Variants in NTM observed in about 807,000 individuals in gnomAD.
The protein encoded by NTM is IgLON family member 2.
Under a neutral mutation model 42.1 loss-of-function variants are expected in NTM, and 13 were observed. That is an observed-to-expected ratio of 0.31 (90% confidence interval 0.20 to 0.49). The LOEUF (loss-of-function observed/expected upper bound fraction) is 0.49. Ranked by LOEUF, NTM falls within the 20% of genes least tolerant of loss-of-function variation. The pLI is 0.99. For synonymous variants in NTM, 187 were observed against 179.2 expected, an observed-to-expected ratio of 1.04 and a Z score of -0.35; for missense variants, 373 against 452.8, an observed-to-expected ratio of 0.82 and a Z score of 1.60.
At chr11:131,892,869 T>C (rs1001088389) in intron 1 of NTM, among the ~76,000 whole-genome samples, 4 of 152,244 alleles carry the variant, frequency 2.6e-5, no homozygotes, top group African/African-American at 7.2e-5. Context: ...CCTCAGCATT[T>C]CAGCTTCCAG....
intron 1 of NTM, among the ~76,000 whole-genome samples, chr11:131,874,030 A>AATATAATATAAT (rs1491528420): frequency 1.3e-5 from 1 of 76,632 alleles, no homozygotes; most frequent in African/African-American, 3.7e-5. Context: ...AATATAATAT[A>AATATAATATAAT]ATATATATAT....
intron 1 of NTM, among the ~76,000 whole-genome samples, chr11:131,507,690 C>T (rs1259401982): frequency 5.4e-5 from 8 of 148,076 alleles, no homozygotes; most frequent in African/African-American, 7.5e-5. Flanking sequence ...TACCCATGAG[C>T]ATGGAATGTT....
chr11:131,747,652 T>A (rs2081983783), intron 1 of NTM, among the ~76,000 whole-genome samples: 1 of 152,196 alleles, frequency 6.6e-6, no homozygotes, highest in South Asian at 2.1e-4. Context: ...TAGGATGATC[T>A]CAAGCTTTTC....
intron 4 of NTM, among the ~76,000 whole-genome samples, chr11:132,245,492 C>T (rs954561890): frequency 4.6e-5 from 7 of 152,076 alleles, no homozygotes; most frequent in African/African-American, 1.7e-4. Context: ...TTAGAAAGAG[C>T]AAGCGGAGCA....
In NTM at chr11:131,372,113, T is replaced by G. The variant is rs2135461862; in HGVS notation, c.82+1225T>G. On this transcript the variant is annotated intron_variant, in intron 1 of 8. Coordinates refer to ENST00000683400, the MANE Select transcript of NTM (RefSeq NM_001352005.2). ...GGATTTAGGGATTGCTGCTGTCCTC[T>G]TGACATAGGTTGCAGTGGCTGCAGT... Among the ~76,000 whole-genome samples the G allele has an allele frequency of 2.0e-5, 3 of 152,286 alleles. No homozygotes were observed. In the East Asian group the frequency reaches 5.8e-4, roughly 30 times the overall value.
At chr11:131,372,888 A>G (rs1286596655) in intron 1 of NTM, among the ~76,000 whole-genome samples, 1 of 152,076 alleles carries the variant, frequency 6.6e-6, no homozygotes, top group African/African-American at 2.4e-5. Context: ...GGTGGTGCCA[A>G]TTTCTCTAAG....
intron 1 of NTM, among the ~76,000 whole-genome samples, chr11:131,801,695 A>ATGCAGTATTG (rs1464958775): frequency 2.0e-5 from 3 of 151,986 alleles, no homozygotes; most frequent in Non-Finnish European, 4.4e-5. Flanking sequence ...ACCATTCCTG[A>ATGCAGTATTG]TGCAGTATTG....
chr11:132,130,844 C>A (rs1466146929), intron 2 of NTM, among the ~76,000 whole-genome samples: 1 of 152,176 alleles, frequency 6.6e-6, no homozygotes, highest in Non-Finnish European at 1.5e-5. Context: ...ACGGCTGAGG[C>A]CGCATAGACA....
intron 1 of NTM, among the ~76,000 whole-genome samples, chr11:131,732,030 G>T (rs960751309): frequency 2.0e-5 from 3 of 152,138 alleles, no homozygotes; most frequent in African/African-American, 4.8e-5. Context: ...TTTTAACTGG[G>T]TGATTGATCT....
At chr11:131,614,327 T>C (rs997291808) in intron 1 of NTM, among the ~76,000 whole-genome samples, 2 of 152,076 alleles carry the variant, frequency 1.3e-5, no homozygotes, top group African/African-American at 4.8e-5. Context: ...CCGTGCAGAG[T>C]TCGGAAGGAA....
At chr11:131,555,607 AT>A (rs1221522271) in intron 1 of NTM, among the ~76,000 whole-genome samples, 1 of 152,154 alleles carries the variant, frequency 6.6e-6, no homozygotes, top group African/African-American at 2.4e-5. Flanking sequence ...GTCTGGGAGC[AT>A]TTTGTTGGCT....
intron 3 of NTM, among the ~76,000 whole-genome samples, chr11:132,207,227 C>T (rs550384343): frequency 1.7e-4 from 26 of 152,248 alleles, no homozygotes; most frequent in South Asian, 6.2e-4. Context: ...GTATTTACAG[C>T]CACTCCCCAT....
At chr11:132,023,744 GGTGGTGGTT>G (rs1230725392) in intron 2 of NTM, among the ~76,000 whole-genome samples, 22 of 151,448 alleles carry the variant, frequency 1.5e-4, no homozygotes, top group South Asian at 2.1e-4. Context: ...TTTTGTTGTT[GGTGGTGGTT>G]TTGTTGTTGG....
intron 4 of NTM, among the ~76,000 whole-genome samples, chr11:132,265,502 G>T (rs1233969790): frequency 2.6e-5 from 4 of 152,094 alleles, no homozygotes; most frequent in Non-Finnish European, 5.9e-5. Context: ...ACCTCAAACT[G>T]GTAGCAATGT....
intron 4 of NTM, among the ~76,000 whole-genome samples, chr11:132,304,459 G>C (rs1477326464): frequency 2.0e-5 from 3 of 151,290 alleles, no homozygotes; most frequent in African/African-American, 7.3e-5. Flanking sequence ...TCACACTAGT[G>C]ATAAAGCACT....
chr11:132,215,313 A>AT (rs1336421103), intron 4 of NTM, among the ~76,000 whole-genome samples: 2 of 152,142 alleles, frequency 1.3e-5, no homozygotes, highest in African/African-American at 4.8e-5. Flanking sequence ...ACTTCATTGC[A>AT]TTTTTTCTCT....
chr11:132,038,927 A>G (rs1354807921), intron 2 of NTM, among the ~76,000 whole-genome samples: 1 of 151,850 alleles, frequency 6.6e-6, no homozygotes, highest in Non-Finnish European at 1.5e-5. Flanking sequence ...CTGCTCTTCC[A>G]TTTCCCAACA....
intron 4 of NTM, among the ~76,000 whole-genome samples, chr11:132,212,532 A>G (rs1172033226): frequency 2.6e-5 from 4 of 152,328 alleles, no homozygotes; most frequent in East Asian, 1.9e-4. Flanking sequence ...TTAAATGGCC[A>G]TATTCCTAAA....
At chr11:131,500,843 G>GT (rs1489658730) in intron 1 of NTM, among the ~76,000 whole-genome samples, 18 of 148,620 alleles carry the variant, frequency 1.2e-4, no homozygotes, top group Admixed American at 3.4e-4. Context: ...GCGGTGTTTG[G>GT]TTTTTTGTCC....
Sources: gnomAD v4.1 joint callset for allele counts (sites outside exome capture counted in the v4.1 genomes callset) on GRCh38, gnomAD v4.1.1 for gene constraint, MANE v1.5 for transcripts, NCBI Gene and HGNC (gene_info 2026-07-23, HGNC 2026-07-21) for gene names.